The following C3 variants were observed in gnomAD, a reference collection of about 807,000 sequenced individuals.
C3 encodes C3 and PZP-like alpha-2-macroglobulin domain-containing protein 1.
In C3, 97 loss-of-function variants were observed where a neutral mutation model predicts 207.9. The observed-to-expected ratio is 0.47, with a 90% CI of 0.40 to 0.55. The LOEUF (loss-of-function observed/expected upper bound fraction) is 0.55, where lower values mean the gene tolerates loss of function less well. C3 is among the 20% of genes least tolerant of loss of function. The pLI is 0.00. For synonymous variants in C3, 848 were observed against 857.6 expected (o/e 0.99, Z 0.20); for missense variants, 1,684 against 2,171.7 (o/e 0.78, Z 4.46).
Position 6,689,339 on chromosome 19 carries a change from C to CT in C3, c.3489+1289_3489+1290insA, listed in dbSNP as rs1568213470. Among the ~76,000 whole-genome samples the CT allele has an allele frequency of 6.1e-4, 33 of 53,940 alleles. 3 individuals are homozygous for CT. The highest frequency in any genetic ancestry group is 2.4e-3 in the African/African-American group (28 of 11,798). The allele number at this position is 53,940 out of a possible 152,430, so 35.4% of individuals were successfully genotyped here. A position where few individuals can be genotyped will look rare whatever the true frequency, so the allele number is the denominator to read the frequency against. ...TCTCTCTCTACCTACCTCCCTCCCT[C>CT]CCTCCCTCCCTCCCTCCCTCCCTCT... On this transcript the variant is annotated intron_variant, in intron 27 of 40. Coordinates refer to ENST00000245907, the MANE Select transcript of C3 (RefSeq NM_000064.4).
chr19:6,694,516 G>A lies in C3; in HGVS notation c.3069C>T (p.Ile1023=), dbSNP rs201806880. ...CCGTTTCATCCAGGTAATGCACAGCGATGACCGTGGGCGTCATGCCGATCA... is the reference window on the plus strand; with the variant it reads ...CCGTTTCATCCAGGTAATGCACAGCAATGACCGTGGGCGTCATGCCGATCA... The part of the protein sequence containing the change: ...QNMIGMTPTV[I]AVHYLDETEQ... The change falls in exon 24 of 41, where the codon ATC becomes ATT. Residue 1023 remains isoleucine (I), a synonymous_variant. Transcript: ENST00000245907. 2.5e-6 allele frequency: 4 copies of A among 1,614,150 alleles called. No individual in the cohort carries two copies. Among genetic ancestry groups the A allele is most frequent in the Non-Finnish European group, 3.4e-6 (4 of 1,180,008 alleles).
chr19:6,698,293 C>A (rs193234245), intron 19 of C3, among the ~76,000 whole-genome samples: 1 of 152,016 alleles, frequency 6.6e-6, no homozygotes, highest in African/African-American at 2.4e-5. Context: ...AGATTACAGG[C>A]GTGAGCCACT....
At chr19:6,717,936 ATG>A (rs1400726385) in intron 4 of C3, 156 bp downstream of exon 4, 32 of 749,554 alleles carry the variant, frequency 4.3e-5, no homozygotes, top group Non-Finnish European at 3.4e-5. Context: ...TGTGTGCTGT[ATG>A]TGTGTGTGTT....
chr19:6,720,420 C>G lies in C3; in HGVS notation c.74+96G>C, dbSNP rs1054977596. ...GCTAACCCCTGAATCCACAAACACC[C>G]AAATGCACCCTGAATTCTACAGGGA... On this transcript the variant is annotated intron_variant, in intron 1 of 40. Transcript: ENST00000245907. The G allele has an allele frequency of 5.7e-6, 5 of 881,868 alleles. No homozygotes were observed. The East Asian group carries it at 1.3e-4, about 24-fold the overall frequency. 54.6% of individuals were successfully genotyped at this position (881,868 alleles called of 1,614,324 possible).
In C3 at chr19:6,677,868, G is replaced by C; in HGVS notation, c.*14C>G. The C allele has an allele frequency of 6.2e-7, 1 of 1,613,790 alleles. No homozygotes were observed. Among genetic ancestry groups the C allele is most frequent in the Non-Finnish European group, 8.5e-7 (1 of 1,179,982 alleles). On this transcript the variant is annotated 3_prime_UTR_variant, in exon 41 of 41. Coordinates refer to ENST00000245907, the MANE Select transcript of C3 (RefSeq NM_000064.4). ...AACTGAAGCTTTATCTGGAGTGGGG[G>C]AATGGGGGTGTGGTCAGTTGGGGCA...
rs374431331 is a variant in C3, at chr19:6,712,401, G to A, written c.1125C>T (p.Phe375=). 7 of 1,614,138 alleles carry A rather than the reference G, an allele frequency of 4.3e-6. No homozygotes were observed. The highest frequency in any genetic ancestry group is 1.1e-5 in the South Asian group (1 of 91,082). The change falls in exon 11 of 41, where the codon TTC becomes TTT. Residue 375 remains phenylalanine (F), a synonymous_variant. Coordinates refer to ENST00000245907, the MANE Select transcript of C3 (RefSeq NM_000064.4). ...KPGMPFDLMV[F]VTNPDGSPAY... ...CTGGAGAGCCATCAGGGTTCGTCAC[G>A]AACACCTGTGATGTGGGGTGCAGGT...
intron 19 of C3, among the ~76,000 whole-genome samples, chr19:6,701,710 A>G (rs376363231): frequency 4.6e-5 from 7 of 152,286 alleles, no homozygotes; most frequent in African/African-American, 1.7e-4. Flanking sequence ...CTTTCAGTAG[A>G]GACGGGGTTT....
rs200094017 is a variant in C3 at position 6,697,041 on chromosome 19, C to CAAAAAAAAAAAAAAAAAAAAA, written c.2796+302_2796+303insTTTTTTTTTTTTTTTTTTTTT. Among the ~76,000 whole-genome samples the CAAAAAAAAAAAAAAAAAAAAA allele has an allele frequency of 4.5e-4, 32 of 71,180 alleles. 1 individual carries two copies. The highest frequency in any genetic ancestry group is 8.8e-4 in the Admixed American group (5 of 5,704). The allele number at this position is 71,180 out of a possible 152,430, so 46.7% of individuals were successfully genotyped here. On this transcript the variant is annotated intron_variant, in intron 21 of 40. Coordinates refer to ENST00000245907, the MANE Select transcript of C3 (RefSeq NM_000064.4). ...TGGGGAACAGAGTGAGACTCTGTCT[C>CAAAAAAAAAAAAAAAAAAAAA]AAAAAAATAAACAAACAAATAAATA... is the stretch of plus-strand genomic sequence containing the variant.
chr19:6,702,753 G>A, intron 17 of C3, 174 bp from the exon 18 acceptor site: 1 of 598,320 alleles, frequency 1.7e-6, no homozygotes, highest in East Asian at 3.2e-5. Context: ...AAAAATTAAG[G>A]CTGGGCACGG....
intron 13 of C3, 36 bp downstream of exon 13, chr19:6,710,602 GA>G (rs1365518267): frequency 2.6e-6 from 4 of 1,520,264 alleles, no homozygotes; most frequent in Non-Finnish European, 3.6e-6. Flanking sequence ...GGAGTAGGGA[GA>G]GGGAGAGGGG....
rs998970929 is a variant in C3, at chr19:6,679,290, G to A, written c.4547-82C>T. The stretch of plus-strand genomic sequence containing the variant: ...CCCATGGGTGTGGCCAGCCCTGGGA[G>A]CCTACCCCCCTTGGTATCCCCTGGG... On this transcript the variant is annotated intron_variant, in intron 37 of 40. Coordinates refer to ENST00000245907, the MANE Select transcript of C3 (RefSeq NM_000064.4). 13 of 1,461,252 alleles carry A rather than the reference G, an allele frequency of 8.9e-6. No homozygotes were observed. In the African/African-American group the frequency reaches 1.7e-4, roughly 19 times the overall value. 90.5% of individuals were successfully genotyped at this position (1,461,252 alleles called of 1,614,324 possible).
chr19:6,707,448 G>T lies in C3; in HGVS notation c.2047+18C>A. On this transcript the variant is annotated intron_variant, in intron 16 of 40. Transcript: ENST00000245907. ...GGGGTGGGGCTCGGGGGCAGGAGTG[G>T]GTAGGAAAGGCTCCCACCTTTGTCC... is the stretch of plus-strand genomic sequence containing the variant. 6.2e-7 allele frequency: 1 copy of T among 1,613,414 alleles called. No individual in the cohort carries two copies. Among genetic ancestry groups the T allele is most frequent in the Non-Finnish European group, 8.5e-7 (1 of 1,179,592 alleles).
chr19:6,678,105 G>C, intron 40 of C3, 47 bp downstream of exon 40: 1 of 1,614,138 alleles, frequency 6.2e-7, no homozygotes, highest in Middle Eastern at 1.6e-4. Flanking sequence ...GCGTGGCATG[G>C]GCGGGGCAGT....
chr19:6,679,562 G>T, intron 36 of C3, 66 bp from the exon 37 acceptor site: 2 of 1,080,870 alleles, frequency 1.9e-6, no homozygotes, highest in South Asian at 2.5e-5. Context: ...TGCCTGGGAG[G>T]CCCAGATCCC....
chr19:6,689,268 T>C (rs1312477272), intron 27 of C3, among the ~76,000 whole-genome samples: 1 of 149,216 alleles, frequency 6.7e-6, no homozygotes, highest in African/African-American at 2.5e-5. Context: ...GAGTCAGGAT[T>C]TGAAGTCAGA....
At chr19:6,718,208 C>T in intron 3 of C3, 39 bp downstream of exon 3, 1 of 1,614,080 alleles carries the variant, frequency 6.2e-7, no homozygotes, top group East Asian at 2.2e-5. Flanking sequence ...AGCCCGCCCA[C>T]GCCGGTGCCC....
Position 6,719,526 on chromosome 19 carries a change from C to T in C3, c.75-123G>A. 1.2e-6 allele frequency: 1 copy of T among 842,222 alleles called. No individual in the cohort carries two copies. Among genetic ancestry groups the T allele is most frequent in the Non-Finnish European group, 1.9e-6 (1 of 519,760 alleles). 52.2% of individuals were successfully genotyped at this position (842,222 alleles called of 1,614,324 possible). On this transcript the variant is annotated intron_variant, in intron 1 of 40. Coordinates refer to ENST00000245907, the MANE Select transcript of C3 (RefSeq NM_000064.4). This position sits in a 1 kb window ranked among gnomAD's most constrained non-coding sequence, Gnocchi z 5.4. ...TCTGGTCCTGGAGAGGATCCAGTGA[C>T]TGCCGGCGCACTTGCCAATGCCATT...
chr19:6,680,402 A>ATT (rs1489647240), intron 35 of C3, 139 bp from the exon 36 acceptor site: 34 of 661,260 alleles, frequency 5.1e-5, no homozygotes, highest in Non-Finnish European at 5.6e-6. Flanking sequence ...CAGCAAATCC[A>ATT]TTTACTTTTC....
chr19:6,688,325 G>A (rs1918064550), intron 27 of C3, among the ~76,000 whole-genome samples: 2 of 152,038 alleles, frequency 1.3e-5, no homozygotes, highest in Non-Finnish European at 2.9e-5. Flanking sequence ...GTAGAGACGG[G>A]GTTTTGCCAT....
Sources: gnomAD v4.1 joint callset for allele counts (sites outside exome capture counted in the v4.1 genomes callset) on GRCh38, gnomAD v4.1.1 for gene constraint, Gnocchi (gnomAD v3.1) non-coding constraint, MANE v1.5 for transcripts, NCBI Gene and HGNC (gene_info 2026-07-23, HGNC 2026-07-21) for gene names.